The following PRRG1 variants were observed in gnomAD, a reference collection of about 807,000 sequenced individuals.
The protein encoded by PRRG1 is transmembrane gamma-carboxyglutamic acid protein 1.
A neutral mutation model predicts 11.8 loss-of-function variants in PRRG1; 5 were observed. That is an observed-to-expected ratio of 0.42 (90% CI 0.22 to 0.89). The LOEUF is 0.89. Ranked by LOEUF, PRRG1 falls within the 40% of genes least tolerant of loss-of-function variation. PRRG1 has a pLI of 0.28. For synonymous variants in PRRG1, 66 were observed against 60.4 expected, an observed-to-expected ratio of 1.09 and a Z score of -0.43; for missense variants, 155 against 166.1, an observed-to-expected ratio of 0.93 and a Z score of 0.37.
rs1324925971 is a variant in PRRG1, at chrX:37,376,569, A to ATATATATATATATG, written c.-42+27177_-42+27178insATATATATATGTAT. The stretch of plus-strand genomic sequence containing the variant: ...TGTGAGTGTATATATATATATATAT[A>ATATATATATATATG]TATGTGCTGAGGAGGGAGAGGATCC... On this transcript the variant is annotated intron_variant, in intron 1 of 3. Transcript: ENST00000378628. Among the ~76,000 whole-genome samples the ATATATATATATATG allele has an allele frequency of 4.2e-4, 34 of 81,399 alleles. 2 individuals carry two copies. Among genetic ancestry groups the ATATATATATATATG allele is most frequent in the Non-Finnish European group, 6.9e-4 (28 of 40,745 alleles). 70.7% of individuals were successfully genotyped at this position (81,399 alleles called of 115,157 possible). A position where few individuals can be genotyped will look rare whatever the true frequency, so the allele number is the denominator to read the frequency against.
chrX:37,425,175 T>C (rs1258414940), intron 2 of PRRG1, among the ~76,000 whole-genome samples: 1 of 111,523 alleles, frequency 9.0e-6, no homozygotes, highest in Non-Finnish European at 1.9e-5. Flanking sequence ...TAAATGTATT[T>C]TGAATGTTTA....
rs1921261848 is a variant in PRRG1, at chrX:37,454,068, C to T, written c.*447C>T. ...GTGACATGCTGTAGATTTTTGCAAACTGGATGTACTTAGCATGTTTTCTAA... is the reference window on the plus strand; with the variant it reads ...GTGACATGCTGTAGATTTTTGCAAATTGGATGTACTTAGCATGTTTTCTAA... On this transcript the variant is annotated 3_prime_UTR_variant, in exon 4 of 4. Coordinates refer to ENST00000378628, the MANE Select transcript of PRRG1 (RefSeq NM_001142395.2). The T allele has an allele frequency of 8.9e-6, 1 of 112,774 alleles. No individual in the cohort carries two copies. Among genetic ancestry groups the T allele is most frequent in the South Asian group, 3.7e-4 (1 of 2,678 alleles). 9.3% of individuals were successfully genotyped at this position (112,774 alleles called of 1,213,427 possible).
rs1256590482 is a variant in PRRG1, at chrX:37,454,479, G to A, written c.*858G>A. 4 of 111,803 alleles carry A rather than the reference G, an allele frequency of 3.6e-5. No individual in the cohort carries two copies. Among genetic ancestry groups the A allele is most frequent in the Admixed American group, 9.5e-5 (1 of 10,555 alleles). The allele number at this position is 111,803 out of a possible 1,213,427, so 9.2% of individuals were successfully genotyped here. On this transcript the variant is annotated 3_prime_UTR_variant, in exon 4 of 4. Coordinates refer to ENST00000378628, the MANE Select transcript of PRRG1 (RefSeq NM_001142395.2). ...CCCATTACTCCTTTACTCATAGCTG[G>A]TAAAATTATTCCCACTGTTTTATTG...
chrX:37,407,571 G>A (rs1187083363), intron 2 of PRRG1, among the ~76,000 whole-genome samples: 1 of 111,473 alleles, frequency 9.0e-6, no homozygotes, highest in Non-Finnish European at 1.9e-5. Context: ...CCCTAAACTC[G>A]TTTGTTCATC....
intron 1 of PRRG1, among the ~76,000 whole-genome samples, chrX:37,357,095 C>T (rs1306473139): frequency 8.9e-6 from 1 of 111,842 alleles, no homozygotes; most frequent in East Asian, 2.8e-4. Context: ...CCCCTGGAAC[C>T]CACTGATCCT....
At chrX:37,392,663 A>G (rs1931581776) in intron 1 of PRRG1, among the ~76,000 whole-genome samples, 1 of 108,982 alleles carries the variant, frequency 9.2e-6, no homozygotes, top group Non-Finnish European at 1.9e-5. Flanking sequence ...GTCTCAAAAA[A>G]AAAAAAAAAA....
In PRRG1 at chrX:37,453,463, G is replaced by A; in HGVS notation, c.499G>A (p.Asp167Asn). Residue 167 changes from aspartate to asparagine, a missense_variant, in exon 4 of 4, where the codon GAT (aspartate) becomes AAT (asparagine). By Grantham distance (23) the Asp-to-Asn change is conservative. Coordinates refer to ENST00000378628, the MANE Select transcript of PRRG1 (RefSeq NM_001142395.2). ...DSVSTRLSNC[D>N]PPPTYEEATG... ...CGTCTCTACTCGCCTGTCCAATTGT[G>A]ATCCCCCGCCAACCTATGAGGAAGC... The A allele has an allele frequency of 8.3e-7, 1 of 1,209,472 alleles. No individual in the cohort carries two copies. The highest frequency in any genetic ancestry group is 1.1e-6 in the Non-Finnish European group (1 of 895,008).
chrX:37,387,997 G>A (rs1794644526), intron 1 of PRRG1, among the ~76,000 whole-genome samples: 1 of 111,941 alleles, frequency 8.9e-6, no homozygotes, highest in African/African-American at 3.2e-5. Context: ...AAAGAAAGGG[G>A]CTATAGGCTC....
chrX:37,431,928 C>A (rs186032927), intron 3 of PRRG1, among the ~76,000 whole-genome samples: 195 of 107,694 alleles, frequency 1.8e-3, no homozygotes, highest in African/African-American at 6.3e-3. Context: ...CCACCATGTC[C>A]GGCTTTATAT....
chrX:37,393,387 A>G, intron 1 of PRRG1, among the ~76,000 whole-genome samples: 1 of 110,217 alleles, frequency 9.1e-6, no homozygotes. Context: ...AAGCTTTTAT[A>G]TCAATTATTG....
chrX:37,450,596 A>T (rs1181268671), intron 3 of PRRG1, among the ~76,000 whole-genome samples: 2 of 112,320 alleles, frequency 1.8e-5, no homozygotes, highest in African/African-American at 3.2e-5. Flanking sequence ...AGTAATGTAG[A>T]CAATATAAAA....
intron 1 of PRRG1, among the ~76,000 whole-genome samples, chrX:37,357,838 A>G (rs1930288816): frequency 8.9e-6 from 1 of 112,455 alleles, no homozygotes; most frequent in African/African-American, 3.2e-5. Context: ...AGTGTCTTCC[A>G]AAGTAACTTA....
intron 1 of PRRG1, among the ~76,000 whole-genome samples, chrX:37,378,789 A>G (rs1030113012): frequency 9.0e-6 from 1 of 110,961 alleles, no homozygotes; most frequent in Non-Finnish European, 1.9e-5. Flanking sequence ...AGGCTTGGAG[A>G]ATCAGACTTC....
At chrX:37,386,665 A>G (rs1448277719) in intron 1 of PRRG1, 1 of 112,144 alleles carries the variant, frequency 8.9e-6, no homozygotes, top group Non-Finnish European at 1.9e-5. Flanking sequence ...GCTATTGTAT[A>G]TCATCATAGA....
chrX:37,426,440 T>C (rs899993309), intron 3 of PRRG1, among the ~76,000 whole-genome samples: 7 of 111,784 alleles, frequency 6.3e-5, no homozygotes, highest in Non-Finnish European at 1.3e-4. Flanking sequence ...CCTCTTTACT[T>C]CTCTTTACTC....
chrX:37,409,104 G>T (rs149645430), intron 2 of PRRG1, among the ~76,000 whole-genome samples: 3,105 of 111,610 alleles, frequency 0.028, 105 homozygotes, highest in African/African-American at 0.094. Flanking sequence ...ACTGTTGACT[G>T]AAAGCCTTAC....
chrX:37,456,195 G>A lies in PRRG1; in HGVS notation c.*2574G>A, dbSNP rs1556398341. ...GAATATTGATAGATATAAACCTCAT[G>A]AACAAAAGTACTTTGGCATCCAGAT... On this transcript the variant is annotated 3_prime_UTR_variant, in exon 4 of 4. Coordinates refer to ENST00000378628, the MANE Select transcript of PRRG1 (RefSeq NM_001142395.2). The A allele has an allele frequency of 8.9e-6, 1 of 111,737 alleles. No homozygotes were observed. The highest frequency in any genetic ancestry group is 3.3e-5 in the African/African-American group (1 of 30,768). 9.2% of individuals were successfully genotyped at this position (111,737 alleles called of 1,213,427 possible). A position where few individuals can be genotyped will look rare whatever the true frequency, so the allele number is the denominator to read the frequency against.
chrX:37,396,272 A>G (rs150920617), intron 1 of PRRG1, among the ~76,000 whole-genome samples: 1 of 112,427 alleles, frequency 8.9e-6, no homozygotes, highest in African/African-American at 3.2e-5. Flanking sequence ...TGACTTCCAT[A>G]TACAAGAAAT....
At chrX:37,391,177 A>T (rs1288780727) in intron 1 of PRRG1, among the ~76,000 whole-genome samples, 1 of 112,021 alleles carries the variant, frequency 8.9e-6, no homozygotes, top group African/African-American at 3.2e-5. Flanking sequence ...TTGGATGGGT[A>T]GGATTGGAGG....
Sources: allele counts gnomAD v4.1 joint callset (sites outside exome capture counted in the v4.1 genomes callset), GRCh38; gene constraint gnomAD v4.1.1; transcripts MANE v1.5; gene names NCBI Gene and HGNC (gene_info 2026-07-23, HGNC 2026-07-21).